XPO5: variants seen among roughly 807,000 people sequenced by gnomAD.
XPO5 encodes the protein exportin-5.
In XPO5, 46 loss-of-function variants were observed where a neutral mutation model predicts 160.6. The observed-to-expected ratio is 0.29, with a 90% CI of 0.23 to 0.37. XPO5 has a LOEUF of 0.37. Ranked by LOEUF, XPO5 falls within the 10% of genes least tolerant of loss-of-function variation. XPO5 has a pLI of 1.00. For synonymous variants in XPO5, 537 were observed against 519.3 expected (o/e 1.03, Z -0.46); for missense variants, 1,090 against 1,463.9 (o/e 0.74, Z 4.17).
rs1011941599 is a variant in XPO5 at position 43,553,401 on chromosome 6, G to A, written c.1544C>T (p.Thr515Ile). The A allele has an allele frequency of 3.1e-6, 5 of 1,608,116 alleles. No homozygotes were observed. The highest frequency in any genetic ancestry group is 1.7e-4 in the Middle Eastern group (1 of 6,056). Residue 515 changes from threonine (T) to isoleucine (I), a missense_variant, in exon 14 of 32, where the codon ACC becomes ATC. Thr to Ile is a moderately conservative substitution (Grantham distance 89, BLOSUM62 -1). This residue lies in a region of XPO5 where 810 missense variants were observed against 1,139.0 expected (regional missense o/e 0.71). Transcript: ENST00000265351. ...AMTLFLESVITQMFRTLNREE... is the reference protein window; with the variant it reads ...AMTLFLESVIIQMFRTLNREE... ...TCTATTTAGTGTTCGAAACATCTGG[G>A]TGATAACACTTTCCAAAAAAAGAGT...
chr6:43,551,739 C>G (rs1386529506), intron 14 of XPO5, among the ~76,000 whole-genome samples: 2 of 152,088 alleles, frequency 1.3e-5, no homozygotes, highest in Non-Finnish European at 2.9e-5. Flanking sequence ...TTATGTCGAC[C>G]AGGCTGGTCT....
In XPO5 at chr6:43,527,724, C is replaced by A. The variant is rs780879615; in HGVS notation, c.2830G>T (p.Asp944Tyr). The change falls in exon 26 of 32, where the codon GAT becomes TAT. Residue 944 changes from aspartate (D) to tyrosine (Y), a missense_variant. By Grantham distance (160) the Asp-to-Tyr change is radical. This residue lies in a region of XPO5 where 810 missense variants were observed against 1,139.0 expected (regional missense o/e 0.71). Coordinates refer to ENST00000265351, the MANE Select transcript of XPO5 (RefSeq NM_020750.3). ...TCTGGGTTTTCATCTGCAGCCTCAT[C>A]TTCTCCACTGCAGAAAACCAGGGGG... ...INQRSLLCGEDEAADENPESQ... is the reference protein window; with the variant it reads ...INQRSLLCGEYEAADENPESQ... 1 of 1,613,986 alleles carries A rather than the reference C, an allele frequency of 6.2e-7. No homozygotes were observed. The highest frequency in any genetic ancestry group is 8.5e-7 in the Non-Finnish European group (1 of 1,179,882).
chr6:43,562,085 T>C (rs372847982), intron 9 of XPO5, 162 bp downstream of exon 9: 2 of 527,688 alleles, frequency 3.8e-6, no homozygotes, highest in Non-Finnish European at 6.7e-6. Flanking sequence ...CAAACACTAT[T>C]CTATTAAGAT....
intron 17 of XPO5, among the ~76,000 whole-genome samples, chr6:43,549,242 T>A (rs1229148914): frequency 6.6e-6 from 1 of 152,008 alleles, no homozygotes; most frequent in African/African-American, 2.4e-5. Context: ...TTTTGTACTT[T>A]TAGTAGAGAC....
intron 26 of XPO5, chr6:43,527,333 G>A (rs768532788): frequency 4.3e-5 from 11 of 253,698 alleles, no homozygotes; most frequent in African/African-American, 6.8e-5. Flanking sequence ...GTGCAGTGGC[G>A]TGATTTCGGC....
At chr6:43,570,311 C>CAAAAAAAAAAA (rs70990200) in intron 5 of XPO5, among the ~76,000 whole-genome samples, 191 bp downstream of exon 5, 8 of 77,176 alleles carry the variant, frequency 1.0e-4, no homozygotes, top group Admixed American at 1.6e-4. Flanking sequence ...GCCTCCGTCT[C>CAAAAAAAAAAA]AAAAAAAAAA....
At chr6:43,528,742 T>TC in intron 24 of XPO5, 86 bp downstream of exon 24, 1 of 1,304,990 alleles carries the variant, frequency 7.7e-7, no homozygotes. Context: ...AGACAACACT[T>TC]CTAGGAGCTC....
In XPO5 at chr6:43,562,274, C is replaced by A; in HGVS notation, c.984G>T (p.Ala328=). 6.2e-7 allele frequency: 1 copy of A among 1,608,262 alleles called. No individual in the cohort carries two copies. The highest frequency in any genetic ancestry group is 8.5e-7 in the Non-Finnish European group (1 of 1,177,532). ...GCAATGCACACAGCTGATTGCCCAG[C>A]GCACACAACACCTGACAGAGCCTCT... The part of the protein sequence containing the change: ...FLKRLCQVLC[A]LGNQLCALLG... Residue 328 remains alanine (A), a synonymous_variant, in exon 9 of 32, where the codon GCG becomes GCT. Transcript: ENST00000265351.
intron 3 of XPO5, 141 bp downstream of exon 3, chr6:43,572,365 C>T: frequency 1.3e-6 from 1 of 782,168 alleles, no homozygotes; most frequent in Non-Finnish European, 2.1e-6. Context: ...GTGTGAGTCA[C>T]TGTGCCTGGC....
chr6:43,528,389 A>G (rs1793733623), intron 24 of XPO5, among the ~76,000 whole-genome samples, 184 bp from the exon 25 acceptor site: 1 of 152,062 alleles, frequency 6.6e-6, no homozygotes, highest in African/African-American at 2.4e-5. Context: ...AACCTATCCC[A>G]CATCCCTGAT....
At chr6:43,561,958 T>C (rs944343873) in intron 9 of XPO5, 14 of 249,178 alleles carry the variant, frequency 5.6e-5, no homozygotes, top group African/African-American at 2.0e-4. Flanking sequence ...ACTCAGCAGA[T>C]TGAGGTTCTG....
Position 43,553,350 on chromosome 6 carries a change from C to A in XPO5, c.1572+23G>T. 3 of 1,598,708 alleles carry A rather than the reference C, an allele frequency of 1.9e-6. No homozygotes were observed. In the South Asian group the frequency reaches 3.4e-5, roughly 18 times the overall value. On this transcript the variant is annotated intron_variant, in intron 14 of 31. Transcript: ENST00000265351. ...AAAAAGGTCAAAATAATCATGCAGT[C>A]AGCATGGGAAATAATTACTTACTTC...
At chr6:43,538,932 C>T (rs946914646) in intron 20 of XPO5, 91 of 1,286,088 alleles carry the variant, frequency 7.1e-5, no homozygotes, top group Non-Finnish European at 1.0e-4. Flanking sequence ...AATACAGTCT[C>T]CTTCCAGAGG....
At chr6:43,568,262 G>A (rs557303657) in intron 6 of XPO5, among the ~76,000 whole-genome samples, 7 of 152,106 alleles carry the variant, frequency 4.6e-5, no homozygotes, top group African/African-American at 1.4e-4. Flanking sequence ...AGCCGAGATC[G>A]CGCCACTGCA....
intron 20 of XPO5, among the ~76,000 whole-genome samples, chr6:43,543,002 A>G (rs1409690706): frequency 1.3e-5 from 2 of 152,186 alleles, no homozygotes; most frequent in Non-Finnish European, 2.9e-5. Context: ...ATATTCACAC[A>G]ATGAAGTATC....
rs556867547 is a variant in XPO5 at position 43,539,211 on chromosome 6, C to T, written c.2343-5204G>A. 353 of 1,171,146 alleles carry T rather than the reference C, an allele frequency of 3.0e-4. 1 individual carries two copies. The highest frequency in any genetic ancestry group is 8.5e-4 in the South Asian group (67 of 78,840). The allele number at this position is 1,171,146 out of a possible 1,614,324, so 72.5% of individuals were successfully genotyped here. ...TTGTTCCCCTAGTAGCCTCTGTGCA[C>T]GGGGACAATGGAGAGCTTGGCCAGG... On this transcript the variant is annotated intron_variant, in intron 20 of 31. Coordinates refer to ENST00000265351, the MANE Select transcript of XPO5 (RefSeq NM_020750.3).
intron 2 of XPO5, 137 bp from the exon 3 acceptor site, chr6:43,572,715 T>C: frequency 1.1e-6 from 1 of 948,930 alleles, no homozygotes; most frequent in Admixed American, 2.6e-5. Flanking sequence ...TACCTGTCAA[T>C]GAATGGGCAA....
rs1374439241 is a variant in XPO5, at chr6:43,548,445, G to A, written c.1876C>T (p.Leu626Phe). Residue 626 changes from leucine (L) to phenylalanine (F), a missense_variant, in exon 18 of 32, where the codon CTT (leucine) becomes TTT (phenylalanine). Coordinates refer to ENST00000265351, the MANE Select transcript of XPO5 (RefSeq NM_020750.3). ...PQLVLPNFDM[L>F]YNHVKQLLSN... ...AGGAGTTGCTTCACATGGTTATAAA[G>A]CATGTCAAAATTGGGCTACAGATCA... The A allele has an allele frequency of 6.4e-7, 1 of 1,572,872 alleles. No homozygotes were observed. The highest frequency in any genetic ancestry group is 1.2e-5 in the South Asian group (1 of 85,512).
chr6:43,541,888 T>C (rs570725658), intron 20 of XPO5, among the ~76,000 whole-genome samples: 7 of 152,264 alleles, frequency 4.6e-5, no homozygotes, highest in African/African-American at 1.7e-4. Context: ...AGTGATTCTC[T>C]TGCATCAACC....
Sources: gnomAD v4.1 joint callset for allele counts (sites outside exome capture counted in the v4.1 genomes callset) on GRCh38, gnomAD v4.1.1 for gene constraint, gnomAD v4.1.1 regional missense constraint, MANE v1.5 for transcripts, NCBI Gene and HGNC (gene_info 2026-07-23, HGNC 2026-07-21) for gene names.